Variants in FBXL7 observed in about 807,000 individuals in gnomAD.
The protein encoded by FBXL7 is F-box and leucine rich repeat protein 7, also known as F-box/LRR-repeat protein 7.
Under a neutral mutation model 38.3 loss-of-function variants are expected in FBXL7, and 12 were observed. That is an observed-to-expected ratio of 0.31 (90% confidence interval 0.20 to 0.51). The LOEUF (loss-of-function observed/expected upper bound fraction) is 0.51, where lower values mean the gene tolerates loss of function less well. Ranked by LOEUF, FBXL7 falls within the 20% of genes least tolerant of loss-of-function variation. The pLI is 0.98. For missense variants in FBXL7, 567 were observed against 676.4 expected (o/e 0.84, Z 1.79); for synonymous variants, 297 against 300.9 (o/e 0.99, Z 0.13).
rs1736030972 is a variant in FBXL7, at chr5:15,746,906, T to C, written c.127+130834T>C. ...GCCACTTTTTTTTTTGCTAATAGAG[T>C]TAATAGACATAAAATTATTCTGTCA... On this transcript the variant is annotated intron_variant, in intron 2 of 3. Transcript: ENST00000504595. 1.3e-5 allele frequency among the ~76,000 whole-genome samples: 2 copies of C among 152,014 alleles called. 1 individual carries two copies. The highest frequency in any genetic ancestry group is 4.8e-5 in the African/African-American group (2 of 41,374).
intron 1 of FBXL7, chr5:15,580,623 C>G: frequency 1.0e-6 from 1 of 985,362 alleles, no homozygotes; most frequent in Non-Finnish European, 1.2e-6. Flanking sequence ...CAGGCAGATC[C>G]ACAAGCCATG....
At chr5:15,567,593 T>C (rs1738625925) in intron 1 of FBXL7, among the ~76,000 whole-genome samples, 1 of 151,304 alleles carries the variant, frequency 6.6e-6, no homozygotes, top group Non-Finnish European at 1.5e-5. Context: ...CTTTTTTTTA[T>C]ATATATATAT....
intron 1 of FBXL7, among the ~76,000 whole-genome samples, chr5:15,516,994 T>G: frequency 6.6e-6 from 1 of 152,086 alleles, no homozygotes; most frequent in East Asian, 1.9e-4. Flanking sequence ...TACATAGATA[T>G]TGGGTTTTTT....
At chr5:15,686,708 T>G (rs1294456580) in intron 2 of FBXL7, among the ~76,000 whole-genome samples, 1 of 152,200 alleles carries the variant, frequency 6.6e-6, no homozygotes, top group Admixed American at 6.5e-5. Flanking sequence ...AAATGGACTG[T>G]TTTTGTTCCT....
intron 3 of FBXL7, among the ~76,000 whole-genome samples, chr5:15,932,496 C>T (rs1021531387): frequency 6.6e-6 from 1 of 152,238 alleles, no homozygotes; most frequent in Non-Finnish European, 1.5e-5. Flanking sequence ...TTTATTCAAC[C>T]TATGTTGTCT....
intron 2 of FBXL7, among the ~76,000 whole-genome samples, chr5:15,669,643 C>T (rs1028891301): frequency 6.6e-6 from 1 of 152,144 alleles, no homozygotes; most frequent in Non-Finnish European, 1.5e-5. Context: ...CAGCTCCTTC[C>T]GTATTCTTCC....
intron 2 of FBXL7, among the ~76,000 whole-genome samples, chr5:15,680,036 T>C (rs1365658664): frequency 3.9e-5 from 6 of 152,204 alleles, no homozygotes; most frequent in Admixed American, 6.5e-5. Context: ...CAAGTTTTAA[T>C]TGAGCTTTTG....
chr5:15,691,958 C>A (rs1267187333), intron 2 of FBXL7, among the ~76,000 whole-genome samples: 1 of 152,104 alleles, frequency 6.6e-6, no homozygotes, highest in Admixed American at 6.6e-5. Flanking sequence ...TGATAAACAG[C>A]AATCATATAA....
At chr5:15,582,855 A>G (rs780649592) in intron 1 of FBXL7, among the ~76,000 whole-genome samples, 31 of 152,196 alleles carry the variant, frequency 2.0e-4, no homozygotes, top group Non-Finnish European at 3.4e-4. Context: ...CTGACTAACA[A>G]AACAATTTCC....
chr5:15,875,824 C>T (rs1579555134), intron 2 of FBXL7, among the ~76,000 whole-genome samples: 2 of 152,264 alleles, frequency 1.3e-5, no homozygotes, highest in East Asian at 1.9e-4. Context: ...TTAGTTCAAC[C>T]ATTGTGGAAG....
At chr5:15,668,219 A>C (rs1030815836) in intron 2 of FBXL7, among the ~76,000 whole-genome samples, 1 of 152,146 alleles carries the variant, frequency 6.6e-6, no homozygotes, top group Non-Finnish European at 1.5e-5. Context: ...CACATCCCTG[A>C]CTACATTGAA....
chr5:15,652,654 A>T (rs949451225), intron 2 of FBXL7, among the ~76,000 whole-genome samples: 4 of 152,194 alleles, frequency 2.6e-5, no homozygotes, highest in African/African-American at 9.6e-5. Context: ...CAAGTGAAAG[A>T]TGTGTGACTC....
chr5:15,566,783 G>A (rs1432576646), intron 1 of FBXL7, among the ~76,000 whole-genome samples: 1 of 152,138 alleles, frequency 6.6e-6, no homozygotes, highest in East Asian at 1.9e-4. Context: ...GAAATGCAGG[G>A]TCCTACATTG....
intron 2 of FBXL7, among the ~76,000 whole-genome samples, chr5:15,881,825 C>A (rs4702114): frequency 6.6e-6 from 1 of 152,180 alleles, no homozygotes; most frequent in African/African-American, 2.4e-5. Flanking sequence ...GTACTAGTCT[C>A]TTCTCACATT....
chr5:15,603,501 A>G (rs1739874979), intron 1 of FBXL7, among the ~76,000 whole-genome samples: 1 of 152,252 alleles, frequency 6.6e-6, no homozygotes, highest in African/African-American at 2.4e-5. Flanking sequence ...TAGTAAAGCC[A>G]GAATTCAGGC....
chr5:15,814,552 C>A (rs544006284), intron 2 of FBXL7, among the ~76,000 whole-genome samples: 21 of 151,716 alleles, frequency 1.4e-4, no homozygotes, highest in African/African-American at 4.4e-4. Flanking sequence ...ACACATGTAT[C>A]CCAGAACTTA....
intron 2 of FBXL7, among the ~76,000 whole-genome samples, chr5:15,806,289 T>C (rs1259383328): frequency 2.0e-5 from 3 of 152,202 alleles, no homozygotes; most frequent in Non-Finnish European, 4.4e-5. Flanking sequence ...GTAGAAAAGT[T>C]AACTCCCCAA....
intron 1 of FBXL7, among the ~76,000 whole-genome samples, chr5:15,572,249 A>G (rs373174500): frequency 9.4e-4 from 143 of 152,252 alleles, no homozygotes; most frequent in African/African-American, 3.3e-3. Context: ...CTAGAAAATT[A>G]TAAGGATAAA....
intron 2 of FBXL7, among the ~76,000 whole-genome samples, chr5:15,811,018 A>T (rs923050911): frequency 6.6e-6 from 1 of 152,228 alleles, no homozygotes; most frequent in African/African-American, 2.4e-5. Flanking sequence ...AAGAAACTGC[A>T]GAAGGATCTC....
Sources: gnomAD v4.1 joint callset for allele counts (sites outside exome capture counted in the v4.1 genomes callset) on GRCh38, gnomAD v4.1.1 for gene constraint, MANE v1.5 for transcripts, NCBI Gene and HGNC (gene_info 2026-07-23, HGNC 2026-07-21) for gene names.